LRRC14: variants seen among roughly 807,000 people sequenced by gnomAD.
The protein encoded by LRRC14 is leucine-rich repeat-containing protein 14.
Under a neutral mutation model 25.3 loss-of-function variants are expected in LRRC14, and 16 were observed. That is an observed-to-expected ratio of 0.63 (90% CI 0.43 to 0.96). The LOEUF (loss-of-function observed/expected upper bound fraction) is 0.96, where lower values mean the gene tolerates loss of function less well. Ranked by LOEUF, LRRC14 falls within the 40% of genes least tolerant of loss-of-function variation. The pLI, the probability that LRRC14 is intolerant of heterozygous loss-of-function variation, is 0.00. For synonymous variants in LRRC14, 359 were observed against 295.1 expected (o/e 1.22, Z -2.22); for missense variants, 594 against 660.5 (o/e 0.90, Z 1.10).
At position 144,520,072 on chromosome 8, in the gene LRRC14, G is replaced by A. The variant is rs373589029; in HGVS notation, c.329+18G>A. On this transcript the variant is annotated intron_variant, in intron 2 of 3. Transcript: ENST00000292524. ...CTCTGCAGGTATGGACTTATCTGGA[G>A]GGTCGTCAGGCCAGGGGTGTGTAAG... 6.3e-7 allele frequency: 1 copy of A among 1,593,066 alleles called. No homozygotes were observed. The highest frequency in any genetic ancestry group is 1.1e-5 in the South Asian group (1 of 90,726).
rs141183724 is a variant in LRRC14 at position 144,521,266 on chromosome 8, C to T, written c.1270C>T (p.Arg424Cys). 25 of 1,613,022 alleles carry T rather than the reference C, an allele frequency of 1.5e-5. No homozygotes were observed. The highest frequency in any genetic ancestry group is 1.6e-4 in the Middle Eastern group (1 of 6,084). The change falls in exon 4 of 4, where the codon CGT becomes TGT. Residue 424 changes from arginine (R) to cysteine (C), a missense_variant. Physicochemically the swap from Arg to Cys is radical, Grantham distance 180. Coordinates refer to ENST00000292524, the MANE Select transcript of LRRC14 (RefSeq NM_014665.4). ...GGACTCAGTGGCACAGGCTGAGCTG[C>T]GTACTGTGGTGCACCCCTTCCCTGT... ...LRDSVAQAEL[R>C]TVVHPFPVDC...
chr8:144,524,918 G>A lies in LRRC14; in HGVS notation c.*3440G>A. 4.6e-6 allele frequency: 7 copies of A among 1,514,022 alleles called. No individual in the cohort carries two copies. Among genetic ancestry groups the A allele is most frequent in the Non-Finnish European group, 6.2e-6 (7 of 1,132,458 alleles). 93.8% of individuals were successfully genotyped at this position (1,514,022 alleles called of 1,614,324 possible). A position where few individuals can be genotyped will look rare whatever the true frequency, so the allele number is the denominator to read the frequency against. On this transcript the variant is annotated 3_prime_UTR_variant, in exon 4 of 4. Coordinates refer to ENST00000292524, the MANE Select transcript of LRRC14 (RefSeq NM_014665.4). ...GGCAGGCTGCTGGGCAGCCGGCGGC[G>A]CGGAGCGGCAGTAGTAGCAGCAGCA...
rs149893613 is a variant in LRRC14 at position 144,523,908 on chromosome 8, C to T, written c.*2430C>T. ...TTAAGTCACCCTGTGGAGTTCCTGT[C>T]TTCTGTTTTCCCCAGGCAGGGTGCC... On this transcript the variant is annotated 3_prime_UTR_variant, in exon 4 of 4. Coordinates refer to ENST00000292524, the MANE Select transcript of LRRC14 (RefSeq NM_014665.4). The T allele has an allele frequency of 7.9e-3, 5,031 of 638,616 alleles. 27 individuals are homozygous for T. Among genetic ancestry groups the T allele is most frequent in the Non-Finnish European group, 0.011 (4,229 of 368,970 alleles). The allele number at this position is 638,616 out of a possible 1,614,324, so 39.6% of individuals were successfully genotyped here.
In LRRC14 at chr8:144,525,155, T is replaced by C; in HGVS notation, c.*3677T>C. 3.4e-6 allele frequency: 2 copies of C among 580,572 alleles called. No homozygotes were observed. The highest frequency in any genetic ancestry group is 5.2e-6 in the Non-Finnish European group (2 of 383,324). 36.0% of individuals were successfully genotyped at this position (580,572 alleles called of 1,614,324 possible). On this transcript the variant is annotated 3_prime_UTR_variant, in exon 4 of 4. Transcript: ENST00000292524. ...TAGGTTCAAGAAACTAATAAAACGT[T>C]CTGGTTTTCTCCTTTGACAAAAACA...
At position 144,522,006 on chromosome 8, in the gene LRRC14, CAT is replaced by C. The variant is rs1245366497; in HGVS notation, c.*529_*530del. 2 of 175,236 alleles carry C rather than the reference CAT, an allele frequency of 1.1e-5. No homozygotes were observed. Among genetic ancestry groups the C allele is most frequent in the Admixed American group, 1.2e-4 (2 of 16,692 alleles). 10.9% of individuals were successfully genotyped at this position (175,236 alleles called of 1,614,324 possible). A position where few individuals can be genotyped will look rare whatever the true frequency, so the allele number is the denominator to read the frequency against. Reference sequence around the variant, plus strand: ...GGCTGGAGGGGGTCATCAAGGTACACATGTGCCTGGAAGTTGAATTTGTGGCT... The same window carrying C: ...GGCTGGAGGGGGTCATCAAGGTACACGTGCCTGGAAGTTGAATTTGTGGCT... On this transcript the variant is annotated 3_prime_UTR_variant, in exon 4 of 4. Transcript: ENST00000292524.
Position 144,525,086 on chromosome 8 carries a change from T to G in LRRC14, c.*3608T>G. The G allele has an allele frequency of 2.5e-6, 3 of 1,216,992 alleles. No homozygotes were observed. Among genetic ancestry groups the G allele is most frequent in the South Asian group, 2.2e-5 (1 of 46,258 alleles). The allele number at this position is 1,216,992 out of a possible 1,614,324, so 75.4% of individuals were successfully genotyped here. On this transcript the variant is annotated 3_prime_UTR_variant, in exon 4 of 4. Transcript: ENST00000292524. ...CGGCAGTCGAGAGCCAGCCAATAGATGGAATGGAGGCCTGCACCTGCGTCT... is the reference window on the plus strand; with the variant it reads ...CGGCAGTCGAGAGCCAGCCAATAGAGGGAATGGAGGCCTGCACCTGCGTCT...
chr8:144,523,988 C>T lies in LRRC14; in HGVS notation c.*2510C>T, dbSNP rs1816240902. 3 of 1,154,484 alleles carry T rather than the reference C, an allele frequency of 2.6e-6. No homozygotes were observed. Among genetic ancestry groups the T allele is most frequent in the Admixed American group, 4.5e-5 (2 of 43,996 alleles). The allele number at this position is 1,154,484 out of a possible 1,614,324, so 71.5% of individuals were successfully genotyped here. ...CGCAGCCCTCCAGTGTGGCTGCAGGCGGTGGTGCAGCCTTCCAGACTGCTG... is the reference window on the plus strand; with the variant it reads ...CGCAGCCCTCCAGTGTGGCTGCAGGTGGTGGTGCAGCCTTCCAGACTGCTG... On this transcript the variant is annotated 3_prime_UTR_variant, in exon 4 of 4. Coordinates refer to ENST00000292524, the MANE Select transcript of LRRC14 (RefSeq NM_014665.4).
Position 144,520,410 on chromosome 8 carries a change from C to T in LRRC14, c.502C>T (p.Arg168Cys), listed in dbSNP as rs1226025167. Residue 168 changes from arginine (R) to cysteine (C), a missense_variant, in exon 3 of 4, where the codon CGC (arginine) becomes TGC (cysteine). Arg to Cys is a radical substitution (Grantham distance 180). Coordinates refer to ENST00000292524, the MANE Select transcript of LRRC14 (RefSeq NM_014665.4). ...GCCAGCCCCCATCCCCGTGGAGGTG[C>T]GCGTGGACCTGCGGGTGAACCGGGC... ...PGPAPIPVEV[R>C]VDLRVNRASY... The T allele has an allele frequency of 3.7e-6, 6 of 1,603,682 alleles. No homozygotes were observed. The highest frequency in any genetic ancestry group is 1.1e-5 in the South Asian group (1 of 90,780).
At position 144,523,201 on chromosome 8, in the gene LRRC14, G is replaced by C. The variant is rs1434922677; in HGVS notation, c.*1723G>C. 1.2e-6 allele frequency: 2 copies of C among 1,609,808 alleles called. No homozygotes were observed. Among genetic ancestry groups the C allele is most frequent in the East Asian group, 4.5e-5 (2 of 44,720 alleles). On this transcript the variant is annotated 3_prime_UTR_variant, in exon 4 of 4. Transcript: ENST00000292524. ...AGGCAACCCGCAGGTCCTCACCCAG[G>C]TTGGCTGTGAGCTCCAGCGGCTGCA...
Position 144,522,296 on chromosome 8 carries a change from G to T in LRRC14, c.*818G>T. The T allele has an allele frequency of 1.1e-6, 1 of 917,606 alleles. No homozygotes were observed. Among genetic ancestry groups the T allele is most frequent in the Non-Finnish European group, 1.5e-6 (1 of 668,178 alleles). The allele number at this position is 917,606 out of a possible 1,614,324, so 56.8% of individuals were successfully genotyped here. On this transcript the variant is annotated 3_prime_UTR_variant, in exon 4 of 4. Coordinates refer to ENST00000292524, the MANE Select transcript of LRRC14 (RefSeq NM_014665.4). ...TTTTCGGAAGAGCTTCAAGGGAGGT[G>T]TTGGGGCCTCCCCGGCCACCTTCCA...
Position 144,523,117 on chromosome 8 carries a change from G to C in LRRC14, c.*1639G>C. 6.2e-7 allele frequency: 1 copy of C among 1,609,592 alleles called. No individual in the cohort carries two copies. The highest frequency in any genetic ancestry group is 8.5e-7 in the Non-Finnish European group (1 of 1,179,468). On this transcript the variant is annotated 3_prime_UTR_variant, in exon 4 of 4. Transcript: ENST00000292524. ...GGGCCTGGGCTCGCGGCCGGCCCTC[G>C]CGAGGCTGGGGCACCTTTCTCCAGG...
chr8:144,520,629 A>G lies in LRRC14; in HGVS notation c.721A>G (p.Ile241Val), dbSNP rs1815956312. The change falls in exon 3 of 4, where the codon ATC becomes GTC. Residue 241 changes from isoleucine (I) to valine (V), a missense_variant. Transcript: ENST00000292524. ...NLGLRGLSVIIPHVARFQHLA... is the reference protein window; with the variant it reads ...NLGLRGLSVIVPHVARFQHLA... The stretch of plus-strand genomic sequence containing the variant: ...GGGCCTGCGCGGCCTGTCTGTGATC[A>G]TCCCACACGTGGCCCGCTTCCAGCA... 3 of 1,601,914 alleles carry G rather than the reference A, an allele frequency of 1.9e-6. No homozygotes were observed. Among genetic ancestry groups the G allele is most frequent in the Admixed American group, 3.3e-5 (2 of 60,006 alleles).
In LRRC14 at chr8:144,522,412, G is replaced by A; in HGVS notation, c.*934G>A. On this transcript the variant is annotated 3_prime_UTR_variant, in exon 4 of 4. Transcript: ENST00000292524. ...CTGCGCGGCTTCCACCTTTACTGAC[G>A]GAGCATGCGCGAGGCCGCACCGGCC... 7.3e-7 allele frequency: 1 copy of A among 1,369,524 alleles called. No individual in the cohort carries two copies. The highest frequency in any genetic ancestry group is 9.4e-7 in the Non-Finnish European group (1 of 1,068,718). The allele number at this position is 1,369,524 out of a possible 1,614,324, so 84.8% of individuals were successfully genotyped here.
chr8:144,520,152 A>T, intron 2 of LRRC14, 86 bp from the exon 3 acceptor site: 1 of 1,565,586 alleles, frequency 6.4e-7, no homozygotes, highest in Non-Finnish European at 8.6e-7. Flanking sequence ...ATGCAGGAGC[A>T]GGCGCGTTGC....
rs201391734 is a variant in LRRC14, at chr8:144,522,233, G to GA, written c.*756dup. The stretch of plus-strand genomic sequence containing the variant: ...CTGTGGCCGGCCAGGGCCAGCGAGG[G>GA]ACCCCCCCCATGCAGAGCTGGAGGT... On this transcript the variant is annotated 3_prime_UTR_variant, in exon 4 of 4. Transcript: ENST00000292524. 100 of 451,878 alleles carry GA rather than the reference G, an allele frequency of 2.2e-4. No homozygotes were observed. The Admixed American group carries it at 3.0e-3, about 13-fold the overall frequency. 28.0% of individuals were successfully genotyped at this position (451,878 alleles called of 1,614,324 possible).
chr8:144,524,866 C>A lies in LRRC14; in HGVS notation c.*3388C>A. The A allele has an allele frequency of 6.6e-7, 1 of 1,506,374 alleles. No homozygotes were observed. The highest frequency in any genetic ancestry group is 8.9e-7 in the Non-Finnish European group (1 of 1,128,152). 93.3% of individuals were successfully genotyped at this position (1,506,374 alleles called of 1,614,324 possible). On this transcript the variant is annotated 3_prime_UTR_variant, in exon 4 of 4. Coordinates refer to ENST00000292524, the MANE Select transcript of LRRC14 (RefSeq NM_014665.4). ...GGGACGACGCGCAACCGCAGGGCGC[C>A]ACACTCCACCGTGGCGCTGTAGCAG...
chr8:144,524,043 C>G lies in LRRC14; in HGVS notation c.*2565C>G. On this transcript the variant is annotated 3_prime_UTR_variant, in exon 4 of 4. Coordinates refer to ENST00000292524, the MANE Select transcript of LRRC14 (RefSeq NM_014665.4). ...GTTGCCTGATGTCAGAGCCCCTCCA[C>G]ACATGAGCCTGCTCCCTACTGCCAA... 1.9e-6 allele frequency: 3 copies of G among 1,541,740 alleles called. No homozygotes were observed. The highest frequency in any genetic ancestry group is 2.6e-6 in the Non-Finnish European group (3 of 1,136,878).
rs1427652902 is a variant in LRRC14 at position 144,524,138 on chromosome 8, C to T, written c.*2660C>T. 6 of 1,606,888 alleles carry T rather than the reference C, an allele frequency of 3.7e-6. No individual in the cohort carries two copies. Among genetic ancestry groups the T allele is most frequent in the East Asian group, 2.2e-5 (1 of 44,710 alleles). On this transcript the variant is annotated 3_prime_UTR_variant, in exon 4 of 4. Coordinates refer to ENST00000292524, the MANE Select transcript of LRRC14 (RefSeq NM_014665.4). ...TGAGGCGCAGGACTTGCAGACTGGC[C>T]AGGGGCTGCAGGGCCTCTCGGCTGA...
At position 144,521,125 on chromosome 8, in the gene LRRC14, C is replaced by T; in HGVS notation, c.1129C>T (p.Leu377Phe). The change falls in exon 4 of 4, where the codon CTC becomes TTC. Residue 377 changes from leucine to phenylalanine, a missense_variant. Transcript: ENST00000292524. ...LLHLELTECQ[L>F]ADTQLLATLP... is the part of the protein sequence containing the mutation. ...GCATCTGGAGCTGACTGAGTGTCAGCTCGCAGACACCCAGCTGTTGGCCAC... is the reference window on the plus strand; with the variant it reads ...GCATCTGGAGCTGACTGAGTGTCAGTTCGCAGACACCCAGCTGTTGGCCAC... The T allele has an allele frequency of 1.9e-6, 3 of 1,613,074 alleles. No individual in the cohort carries two copies. Among genetic ancestry groups the T allele is most frequent in the Non-Finnish European group, 2.5e-6 (3 of 1,180,032 alleles).
Sources: gnomAD v4.1 joint callset for allele counts on GRCh38, gnomAD v4.1.1 for gene constraint, MANE v1.5 for transcripts, NCBI Gene and HGNC (gene_info 2026-07-23, HGNC 2026-07-21) for gene names.